The following FRMD5 variants were observed in gnomAD, a reference collection of about 807,000 sequenced individuals.
FRMD5 encodes FERM domain-containing protein 5.
Under a neutral mutation model 69.0 loss-of-function variants are expected in FRMD5, and 20 were observed. That is an observed-to-expected ratio of 0.29 (90% CI 0.20 to 0.42). FRMD5 has a LOEUF of 0.42. Ranked by LOEUF, FRMD5 falls within the 10% of genes least tolerant of loss-of-function variation. The probability of loss-of-function intolerance (pLI) is 1.00; values close to 1 mark genes in which losing one functional copy is unlikely to be tolerated. For missense variants in FRMD5, 595 were observed against 708.6 expected (o/e 0.84, Z 1.82); for synonymous variants, 271 against 260.1 (o/e 1.04, Z -0.40).
At chr15:43,892,488 G>A (rs905389492) in intron 7 of FRMD5, among the ~76,000 whole-genome samples, 1 of 152,224 alleles carries the variant, frequency 6.6e-6, no homozygotes, top group African/African-American at 2.4e-5. Flanking sequence ...TATGTGCTCA[G>A]AGATTTAAAA....
At chr15:43,946,270 G>T (rs185775409) in intron 1 of FRMD5, among the ~76,000 whole-genome samples, 2 of 152,276 alleles carry the variant, frequency 1.3e-5, no homozygotes, top group African/African-American at 4.8e-5. Context: ...GCAACTACAG[G>T]ATTCTTCTTC....
intron 1 of FRMD5, among the ~76,000 whole-genome samples, chr15:44,013,857 CTTT>C (rs3040909): frequency 3.0e-5 from 4 of 131,596 alleles, no homozygotes; most frequent in Non-Finnish European, 6.3e-5. Context: ...GAGACACCTT[CTTT>C]TTTTTTTTTT....
At chr15:44,033,277 A>G (rs1257113354) in intron 1 of FRMD5, among the ~76,000 whole-genome samples, 1 of 152,196 alleles carries the variant, frequency 6.6e-6, no homozygotes, top group Non-Finnish European at 1.5e-5. Context: ...AGCAGAAAAG[A>G]TAACTATTGG....
At chr15:44,086,653 G>A (rs1894208773) in intron 1 of FRMD5, among the ~76,000 whole-genome samples, 1 of 152,116 alleles carries the variant, frequency 6.6e-6, no homozygotes, top group Admixed American at 6.6e-5. Context: ...CACTGTAAAT[G>A]TACTTAATGC....
At chr15:44,115,989 C>A (rs1008174512) in intron 1 of FRMD5, among the ~76,000 whole-genome samples, 11 of 152,112 alleles carry the variant, frequency 7.2e-5, no homozygotes, top group Admixed American at 2.0e-4. Context: ...AATGTGAGCA[C>A]TGGAGTCCAA....
At chr15:44,176,323 T>C (rs1365802302) in intron 1 of FRMD5, among the ~76,000 whole-genome samples, 1 of 152,136 alleles carries the variant, frequency 6.6e-6, no homozygotes, top group African/African-American at 2.4e-5. Context: ...CAACTGGATA[T>C]CCACATGTAA....
chr15:43,888,627 G>C (rs2088720822), intron 9 of FRMD5, among the ~76,000 whole-genome samples, 182 bp downstream of exon 9: 1 of 152,186 alleles, frequency 6.6e-6, no homozygotes. Flanking sequence ...TAGCATCCCT[G>C]AGGAAGTCCT....
chr15:44,149,992 A>G (rs1403495343), intron 1 of FRMD5, among the ~76,000 whole-genome samples: 2 of 152,186 alleles, frequency 1.3e-5, no homozygotes, highest in African/African-American at 4.8e-5. Context: ...CCTGCAATGT[A>G]AGGATGGTTC....
Position 44,159,893 on chromosome 15 carries a change from A to G in FRMD5, c.102+35060T>C, listed in dbSNP as rs374796038. ...ATCACCCAGACAATCAGGGGCTATG[A>G]CAGGCTCAGGGGGTAGCTTCTCTCG... is the stretch of plus-strand genomic sequence containing the variant. On this transcript the variant is annotated intron_variant, in intron 1 of 13. Coordinates refer to ENST00000417257, the MANE Select transcript of FRMD5 (RefSeq NM_032892.5). 2.4e-4 allele frequency among the ~76,000 whole-genome samples: 37 copies of G among 152,302 alleles called. 1 individual carries two copies. Among genetic ancestry groups the G allele is most frequent in the African/African-American group, 8.7e-4 (36 of 41,564 alleles).
At chr15:43,886,734 C>G (rs902040833) in intron 10 of FRMD5, among the ~76,000 whole-genome samples, 2 of 152,226 alleles carry the variant, frequency 1.3e-5, no homozygotes, top group African/African-American at 2.4e-5. Flanking sequence ...TTACTGGAGC[C>G]TGGGCATGTT....
At chr15:43,910,468 G>A (rs1354510698) in intron 4 of FRMD5, among the ~76,000 whole-genome samples, 2 of 149,760 alleles carry the variant, frequency 1.3e-5, no homozygotes, top group Non-Finnish European at 3.0e-5. Flanking sequence ...ACAGCCTGCA[G>A]TTACCGAGGT....
chr15:43,968,524 T>C (rs2140567318), intron 1 of FRMD5, among the ~76,000 whole-genome samples: 1 of 152,300 alleles, frequency 6.6e-6, no homozygotes, highest in Admixed American at 6.5e-5. Flanking sequence ...TTTGTTCTCC[T>C]GACTCCTATT....
intron 1 of FRMD5, among the ~76,000 whole-genome samples, chr15:44,098,784 A>G (rs1009696530): frequency 2.6e-5 from 4 of 152,192 alleles, no homozygotes; most frequent in African/African-American, 9.7e-5. Context: ...TAAACTTCAT[A>G]TATTAGAATA....
chr15:44,194,369 G>T (rs948869869), intron 1 of FRMD5: 1 of 155,340 alleles, frequency 6.4e-6, no homozygotes. Context: ...AAAGGCGGGA[G>T]GGGGCCTAAA....
chr15:43,879,773 A>G (rs2088472177), intron 13 of FRMD5: 2 of 397,926 alleles, frequency 5.0e-6, no homozygotes, highest in South Asian at 2.8e-4. Context: ...ATGGAAAGCC[A>G]ACTAGGAACA....
chr15:43,874,602 T>C (rs1012924763), intron 13 of FRMD5, 140 bp from the exon 14 acceptor site: 1 of 653,560 alleles, frequency 1.5e-6, no homozygotes, highest in East Asian at 2.7e-5. Context: ...TATTTTGATA[T>C]ATCGAGAAGA....
At chr15:43,925,923 T>C (rs1295494098) in intron 1 of FRMD5, among the ~76,000 whole-genome samples, 1 of 152,232 alleles carries the variant, frequency 6.6e-6, no homozygotes, top group East Asian at 1.9e-4. Flanking sequence ...ATTTATGTCC[T>C]TCATAGCACT....
intron 1 of FRMD5, among the ~76,000 whole-genome samples, chr15:44,134,849 A>C (rs2077158530): frequency 6.6e-6 from 1 of 152,008 alleles, no homozygotes; most frequent in Non-Finnish European, 1.5e-5. Context: ...TGGGAGAAAG[A>C]CCCTGCAAGC....
chr15:43,955,650 T>C (rs1240849717), intron 1 of FRMD5, among the ~76,000 whole-genome samples: 2 of 152,250 alleles, frequency 1.3e-5, no homozygotes, highest in Non-Finnish European at 2.9e-5. Context: ...AGTTTGTTTT[T>C]GTTAAGCACA....
Sources: allele counts gnomAD v4.1 joint callset (sites outside exome capture counted in the v4.1 genomes callset), GRCh38; gene constraint gnomAD v4.1.1; transcripts MANE v1.5; gene names NCBI Gene and HGNC (gene_info 2026-07-23, HGNC 2026-07-21).